Variants in NXPE2 observed in about 807,000 individuals in gnomAD.
The protein encoded by NXPE2 is neurexophilin and PC-esterase domain family member 2, also known as NXPE family member 2.
In NXPE2, 34 loss-of-function variants were observed where a neutral mutation model predicts 34.4. The observed-to-expected ratio is 0.99, with a 90% CI of 0.75 to 1.31. NXPE2 has a LOEUF of 1.31. Ranked by LOEUF, NXPE2 falls within the 40% of genes most tolerant of loss-of-function variation. The pLI is 0.00. For missense variants in NXPE2, 649 were observed against 672.5 expected (o/e 0.97, Z 0.39); for synonymous variants, 235 against 231.3 (o/e 1.02, Z -0.15).
At chr11:114,556,363 C>T in the NXPE2 span, among the ~76,000 whole-genome samples, 1 of 152,152 alleles carries the variant, frequency 6.6e-6, no homozygotes, top group African/African-American at 2.4e-5. Flanking sequence ...CTGTGCTACA[C>T]TTTGTGGAGT....
At chr11:114,777,323 T>G in the NXPE2 span, among the ~76,000 whole-genome samples, 2 of 152,248 alleles carry the variant, frequency 1.3e-5, no homozygotes, top group Non-Finnish European at 1.5e-5. Flanking sequence ...CCAGGATACC[T>G]TGTTACATGA....
At chr11:114,562,503 T>A in the NXPE2 span, among the ~76,000 whole-genome samples, 7 of 152,188 alleles carry the variant, frequency 4.6e-5, no homozygotes, top group Non-Finnish European at 8.8e-5. Flanking sequence ...ATACTATTAT[T>A]TTACATATTT....
the NXPE2 span, among the ~76,000 whole-genome samples, chr11:114,749,545 C>T: frequency 6.6e-6 from 1 of 152,194 alleles, no homozygotes; most frequent in African/African-American, 2.4e-5. Context: ...AAAAGGAGGG[C>T]CAACTGTACC....
At chr11:114,697,947 T>A (rs1339470682) in intron 2 of NXPE2, 98 bp from the exon 3 acceptor site, 1 of 1,139,640 alleles carries the variant, frequency 8.8e-7, no homozygotes, top group Non-Finnish European at 1.2e-6. Context: ...ATTTAATTTA[T>A]CACACTGAAA....
chr11:114,686,791 A>C (rs1463124558), intron 2 of NXPE2, among the ~76,000 whole-genome samples: 1 of 152,002 alleles, frequency 6.6e-6, no homozygotes, highest in Non-Finnish European at 1.5e-5. Context: ...TTATTTTTTG[A>C]CTGTTTAATA....
At chr11:114,513,396 A>G in the NXPE2 span, 3 of 355,740 alleles carry the variant, frequency 8.4e-6, no homozygotes, top group Non-Finnish European at 1.7e-5. Flanking sequence ...GCTTCATGGT[A>G]GGAGAGAATA....
the NXPE2 span, among the ~76,000 whole-genome samples, chr11:114,803,752 A>AT: frequency 1.3e-5 from 2 of 151,526 alleles, no homozygotes; most frequent in African/African-American, 4.9e-5. Context: ...CATTTTTTGT[A>AT]TTTTTTCAGT....
chr11:114,698,713 C>T lies in NXPE2; in HGVS notation c.801C>T (p.Thr267=). 1 of 1,612,940 alleles carries T rather than the reference C, an allele frequency of 6.2e-7. No individual in the cohort carries two copies. The highest frequency in any genetic ancestry group is 1.7e-4 in the Middle Eastern group (1 of 6,042). Residue 267 remains threonine (T), a synonymous_variant, in exon 3 of 6, where the codon ACC becomes ACT. Coordinates refer to ENST00000389586, the MANE Select transcript of NXPE2 (RefSeq NM_182495.6). The part of the protein sequence containing the change: ...RPQHMPCEAL[T]HMTTRTRNIS... ...AACATATGCCCTGTGAGGCCTTGAC[C>T]CACATGACCACTAGGACAAGAAATA...
chr11:114,655,266 C>A, the NXPE2 span, among the ~76,000 whole-genome samples: 1 of 152,122 alleles, frequency 6.6e-6, no homozygotes, highest in Non-Finnish European at 1.5e-5. Flanking sequence ...TTCTCCCATT[C>A]TGTAGGTTGC....
At chr11:114,705,332 C>T (rs572695735) in intron 4 of NXPE2, among the ~76,000 whole-genome samples, 15 of 152,352 alleles carry the variant, frequency 9.8e-5, no homozygotes, top group African/African-American at 3.6e-4. Context: ...ATGTGACACA[C>T]TCATTTCATA....
chr11:114,800,967 G>A, the NXPE2 span, among the ~76,000 whole-genome samples: 1 of 152,198 alleles, frequency 6.6e-6, no homozygotes, highest in African/African-American at 2.4e-5. Context: ...TTACTGATTA[G>A]TATGTGAAAT....
intron 2 of NXPE2, among the ~76,000 whole-genome samples, chr11:114,683,932 AGTTACAT>A (rs56193836): frequency 0.76 from 114,474 of 151,572 alleles, 43,787 homozygotes; most frequent in East Asian, 0.84. Flanking sequence ...TTTAACCAGG[AGTTACAT>A]GTTACATTCC....
the NXPE2 span, among the ~76,000 whole-genome samples, chr11:114,790,343 A>G: frequency 6.6e-6 from 1 of 152,182 alleles, no homozygotes; most frequent in Non-Finnish European, 1.5e-5. Context: ...TAAGAAGCCA[A>G]AGGTACATTT....
the NXPE2 span, among the ~76,000 whole-genome samples, chr11:114,641,169 C>G: frequency 6.6e-6 from 1 of 151,784 alleles, no homozygotes; most frequent in Non-Finnish European, 1.5e-5. Context: ...GAAGATTAGG[C>G]TGAAGAACTC....
chr11:114,644,240 C>T, the NXPE2 span, among the ~76,000 whole-genome samples: 2 of 152,088 alleles, frequency 1.3e-5, no homozygotes, highest in African/African-American at 4.8e-5. Flanking sequence ...GTTCGAATAC[C>T]TTTATTTCTT....
the NXPE2 span, among the ~76,000 whole-genome samples, chr11:114,538,743 C>T: frequency 6.6e-6 from 1 of 152,080 alleles, no homozygotes; most frequent in Non-Finnish European, 1.5e-5. Flanking sequence ...GATACCATCT[C>T]ACACCAGTTA....
the NXPE2 span, chr11:114,583,332 C>T: frequency 6.5e-6 from 4 of 619,698 alleles, no homozygotes; most frequent in African/African-American, 7.3e-5. Flanking sequence ...TATGGACAAG[C>T]CCACCCAAGG....
rs544488691 is a variant in NXPE2 at position 114,703,734 on chromosome 11, T to C, written c.867-257T>C. 7.2e-5 allele frequency among the ~76,000 whole-genome samples: 11 copies of C among 151,876 alleles called. No individual in the cohort carries two copies. The South Asian group carries it at 8.3e-4, about 12-fold the overall frequency. The stretch of plus-strand genomic sequence containing the variant: ...ATAGATAGACAGACAGACAGATAGA[T>C]AGATAGATGTTAGATAGATTTGATG... On this transcript the variant is annotated intron_variant, in intron 3 of 5. Coordinates refer to ENST00000389586, the MANE Select transcript of NXPE2 (RefSeq NM_182495.6).
the NXPE2 span, among the ~76,000 whole-genome samples, chr11:114,494,078 G>A: frequency 6.6e-6 from 1 of 152,094 alleles, no homozygotes; most frequent in Non-Finnish European, 1.5e-5. Context: ...ACATATTAGA[G>A]CTCCATAATA....
Sources: gnomAD v4.1 joint callset for allele counts (sites outside exome capture counted in the v4.1 genomes callset) on GRCh38, gnomAD v4.1.1 for gene constraint, MANE v1.5 for transcripts, NCBI Gene and HGNC (gene_info 2026-07-23, HGNC 2026-07-21) for gene names.